The following SAMSN1 variants were observed in gnomAD, a reference collection of about 807,000 sequenced individuals.
SAMSN1 encodes the protein SAM domain, SH3 domain and nuclear localization signals 1.
A neutral mutation model predicts 42.0 loss-of-function variants in SAMSN1; 31 were observed. The observed-to-expected ratio is 0.74, with a 90% CI of 0.55 to 1.00. The LOEUF (loss-of-function observed/expected upper bound fraction) is 1.00, where lower values mean the gene tolerates loss of function less well. Ranked by LOEUF, SAMSN1 falls within the 50% of genes least tolerant of loss-of-function variation. The pLI is 0.00. For missense variants in SAMSN1, 464 were observed against 439.4 expected (o/e 1.06, Z -0.50); for synonymous variants, 178 against 151.9 (o/e 1.17, Z -1.26).
At chr21:14,589,957 G>C (rs1455333968) in intron 7 of SAMSN1, among the ~76,000 whole-genome samples, 3 of 151,976 alleles carry the variant, frequency 2.0e-5, no homozygotes, top group African/African-American at 7.3e-5. Context: ...TAATATTTTG[G>C]TTTATTTTTA....
chr21:14,518,455 C>A (rs1600886450), intron 2 of SAMSN1, among the ~76,000 whole-genome samples: 1 of 142,200 alleles, frequency 7.0e-6, no homozygotes, highest in African/African-American at 2.6e-5. Flanking sequence ...ATTTTTTTTT[C>A]TTGGAGGACA....
intron 2 of SAMSN1, among the ~76,000 whole-genome samples, chr21:14,638,821 G>A (rs1983527941): frequency 6.6e-6 from 1 of 152,154 alleles, no homozygotes; most frequent in Non-Finnish European, 1.5e-5. Context: ...ACTTTCCAAG[G>A]TCATATAGCT....
chr21:14,656,976 T>C (rs917752641), intron 1 of SAMSN1, among the ~76,000 whole-genome samples: 2 of 151,722 alleles, frequency 1.3e-5, no homozygotes, highest in African/African-American at 4.8e-5. Flanking sequence ...TTTTCTTAAA[T>C]GCAGTGTCCC....
At chr21:14,551,096 T>G (rs745918747), upstream of SAMSN1, among the ~76,000 whole-genome samples, 2 of 152,028 alleles carry the variant, frequency 1.3e-5, no homozygotes, top group African/African-American at 4.8e-5. Flanking sequence ...TAGAATGTAT[T>G]GACAGAAAAG....
At chr21:14,516,684 C>A (rs925058390) in intron 3 of SAMSN1, among the ~76,000 whole-genome samples, 1 of 152,202 alleles carries the variant, frequency 6.6e-6, no homozygotes, top group Non-Finnish European at 1.5e-5. Context: ...AGCCACTGCA[C>A]CCAGCAGATG....
At chr21:14,524,575 T>C (rs1298229205) in intron 1 of SAMSN1, among the ~76,000 whole-genome samples, 2 of 152,188 alleles carry the variant, frequency 1.3e-5, no homozygotes, top group East Asian at 1.9e-4. Flanking sequence ...AAATTACATA[T>C]ACATTTGCCC....
chr21:14,578,301 C>G (rs752789085), intron 2 of SAMSN1, among the ~76,000 whole-genome samples: 1 of 152,060 alleles, frequency 6.6e-6, no homozygotes, highest in Non-Finnish European at 1.5e-5. Context: ...CCGGCAATGT[C>G]GGAGCTGCAT....
At chr21:14,585,607 T>C (rs1397003376), upstream of SAMSN1, 3 of 152,226 alleles carry the variant, frequency 2.0e-5, no homozygotes, top group East Asian at 1.9e-4. Context: ...TCACATTCTA[T>C]TGTAGCCTTT....
At chr21:14,494,306 A>G (rs1232546594) in intron 7 of SAMSN1, among the ~76,000 whole-genome samples, 2 of 152,188 alleles carry the variant, frequency 1.3e-5, no homozygotes, top group Admixed American at 1.3e-4. Flanking sequence ...AATTGCAACC[A>G]ACCCTAATGC....
chr21:14,582,586 G>A, intron 1 of SAMSN1: 2 of 486,608 alleles, frequency 4.1e-6, no homozygotes, highest in African/African-American at 1.9e-5. Context: ...ACACTGCAAT[G>A]GATAAACCAA....
In SAMSN1 at chr21:14,487,920, C is replaced by A. The variant is rs570085639; in HGVS notation, c.920-1806G>T. ...AGCATTTTGTGTGCATTATTCATGA[C>A]AATCTTTAAGTTTGGGAGGGTTTAC... On this transcript the variant is annotated intron_variant, in intron 7 of 7. Coordinates refer to ENST00000400566, the MANE Select transcript of SAMSN1 (RefSeq NM_022136.5). Among the ~76,000 whole-genome samples the A allele has an allele frequency of 5.9e-5, 9 of 152,132 alleles. No individual in the cohort carries two copies. In the South Asian group the frequency reaches 1.7e-3, roughly 28 times the overall value.
At chr21:14,544,649 A>AT (rs1395971591) in intron 1 of SAMSN1, among the ~76,000 whole-genome samples, 1 of 152,112 alleles carries the variant, frequency 6.6e-6, no homozygotes, top group African/African-American at 2.4e-5. Context: ...AAAGATGTAT[A>AT]TTTTTTCAAA....
chr21:14,609,412 A>C, intron 5 of SAMSN1: 1 of 709,270 alleles, frequency 1.4e-6, no homozygotes, highest in Admixed American at 2.0e-5. Context: ...GAAGATGTGA[A>C]TTTTTCTTAC....
In SAMSN1 at chr21:14,635,401, C is replaced by T. The variant is rs1456730323; in HGVS notation, c.156+7601G>A. On this transcript the variant is annotated intron_variant, in intron 2 of 15. Coordinates refer to the SAMSN1 transcript ENST00000647101. ...ATATGAATTAGTAGGTGAAAAAATA[C>T]CACTATAATAGATGTTCTTGTTTAC... Among the ~76,000 whole-genome samples, 5 of 152,068 alleles carry T rather than the reference C, an allele frequency of 3.3e-5. No individual in the cohort carries two copies. In the South Asian group the frequency reaches 1.0e-3, roughly 32 times the overall value.
At chr21:14,616,198 G>A (rs964030479) in intron 2 of SAMSN1, among the ~76,000 whole-genome samples, 1 of 152,012 alleles carries the variant, frequency 6.6e-6, no homozygotes, top group Admixed American at 6.6e-5. Context: ...ATGTGTCACA[G>A]AAGTTTGGCT....
At chr21:14,527,760 T>TAAAAAAAAAA (rs71183427) in intron 1 of SAMSN1, among the ~76,000 whole-genome samples, 1 of 107,852 alleles carries the variant, frequency 9.3e-6, no homozygotes. Context: ...AAACTAGAAC[T>TAAAAAAAAAA]AAAAAAAAAA....
intron 2 of SAMSN1, among the ~76,000 whole-genome samples, chr21:14,517,771 T>TA (rs1373214913): frequency 6.6e-6 from 1 of 152,144 alleles, no homozygotes; most frequent in East Asian, 1.9e-4. Flanking sequence ...CAAGACTCTA[T>TA]ATGTCATAAC....
At chr21:14,618,237 G>C (rs1012407829) in intron 2 of SAMSN1, among the ~76,000 whole-genome samples, 32 of 152,162 alleles carry the variant, frequency 2.1e-4, no homozygotes, top group Admixed American at 7.9e-4. Flanking sequence ...GCAAAAAATT[G>C]AGCTGAAACT....
intron 5 of SAMSN1, among the ~76,000 whole-genome samples, chr21:14,607,319 A>G (rs1982593347): frequency 6.6e-6 from 1 of 152,230 alleles, no homozygotes; most frequent in Admixed American, 6.5e-5. Flanking sequence ...TACATAGGTC[A>G]CTAATTACTT....
Sources: gnomAD v4.1 joint callset for allele counts (sites outside exome capture counted in the v4.1 genomes callset) on GRCh38, gnomAD v4.1.1 for gene constraint, MANE v1.5 for transcripts, NCBI Gene and HGNC (gene_info 2026-07-23, HGNC 2026-07-21) for gene names.